CHST9: variants seen among roughly 807,000 people sequenced by gnomAD.
CHST9 encodes the protein carbohydrate sulfotransferase 9, also known as GalNAc-4-sulfotransferase 2.
CHST9 carries 41 observed loss-of-function variants against 44.4 expected under a neutral mutation model. The ratio of observed to expected loss-of-function variants is 0.92; its 90% CI spans 0.72 to 1.20. The LOEUF (loss-of-function observed/expected upper bound fraction) is 1.20, where lower values mean the gene tolerates loss of function less well. CHST9 is among the 50% of genes most tolerant of loss of function. The probability of loss-of-function intolerance (pLI) is 0.00; values close to 1 mark genes in which losing one functional copy is unlikely to be tolerated. For missense variants in CHST9, 504 were observed against 516.5 expected, an observed-to-expected ratio of 0.98 and a Z score of 0.23; for synonymous variants, 171 against 178.4, an observed-to-expected ratio of 0.96 and a Z score of 0.33.
chr18:27,028,446 G>T (rs1387597130), intron 3 of CHST9, among the ~76,000 whole-genome samples: 1 of 152,180 alleles, frequency 6.6e-6, no homozygotes, highest in Admixed American at 6.5e-5. Flanking sequence ...GGGCTAGAGG[G>T]CATCCGGTAC....
At chr18:27,079,633 A>T (rs2057941393) in intron 2 of CHST9, among the ~76,000 whole-genome samples, 1 of 152,208 alleles carries the variant, frequency 6.6e-6, no homozygotes, top group South Asian at 2.1e-4. Context: ...ACATCATATT[A>T]GTTTTCTATT....
At chr18:27,052,517 C>G (rs1476368228) in intron 2 of CHST9, among the ~76,000 whole-genome samples, 2 of 152,082 alleles carry the variant, frequency 1.3e-5, no homozygotes, top group African/African-American at 4.8e-5. Context: ...GATCTTATCT[C>G]TCATTCTCTC....
At chr18:26,991,377 T>G (rs1421186777) in intron 4 of CHST9, among the ~76,000 whole-genome samples, 1 of 152,198 alleles carries the variant, frequency 6.6e-6, no homozygotes, top group Non-Finnish European at 1.5e-5. Context: ...ATGCCATCAA[T>G]GGACATGTGG....
At position 26,950,259 on chromosome 18, in the gene CHST9, T is replaced by C. The variant is rs777112251; in HGVS notation, c.203-5893A>G. On this transcript the variant is annotated intron_variant, in intron 4 of 5. Transcript: ENST00000618847. ...TGAAAAGTAGAGATTATTCCTCCTA[T>C]GTTTTTAAAGATTATGTGACCAGGG... 3.3e-5 allele frequency among the ~76,000 whole-genome samples: 5 copies of C among 152,216 alleles called. No individual in the cohort carries two copies. In the East Asian group the frequency reaches 7.7e-4, roughly 23 times the overall value.
intron 2 of CHST9, among the ~76,000 whole-genome samples, chr18:27,057,404 GAGT>G (rs1278413819): frequency 6.6e-6 from 1 of 152,152 alleles, no homozygotes; most frequent in Non-Finnish European, 1.5e-5. Flanking sequence ...AAAGAATGAG[GAGT>G]TTATTTTATA....
intron 2 of CHST9, among the ~76,000 whole-genome samples, chr18:27,134,894 T>C (rs1357540767): frequency 6.6e-6 from 1 of 152,122 alleles, no homozygotes; most frequent in Non-Finnish European, 1.5e-5. Context: ...AAAAAGTTTC[T>C]GAGTTCTGGG....
intron 1 of CHST9, among the ~76,000 whole-genome samples, chr18:27,159,414 G>T (rs1384267604): frequency 6.6e-6 from 1 of 152,112 alleles, no homozygotes; most frequent in African/African-American, 2.4e-5. Context: ...AGATCAGATG[G>T]TTGTAGATAT....
intron 2 of CHST9, among the ~76,000 whole-genome samples, chr18:27,091,090 C>A (rs1014118096): frequency 6.6e-6 from 1 of 152,100 alleles, no homozygotes; most frequent in African/African-American, 2.4e-5. Flanking sequence ...ATGGAATGTT[C>A]TTCCATTTGT....
intron 4 of CHST9, among the ~76,000 whole-genome samples, chr18:27,006,199 G>C (rs1208282128): frequency 3.3e-5 from 5 of 152,240 alleles, no homozygotes; most frequent in Non-Finnish European, 5.9e-5. Flanking sequence ...CTCAGTCTGT[G>C]CCCTAAGAGA....
chr18:27,111,932 C>T (rs1170413960), intron 2 of CHST9, among the ~76,000 whole-genome samples: 1 of 152,104 alleles, frequency 6.6e-6, no homozygotes, highest in Non-Finnish European at 1.5e-5. Flanking sequence ...CTTTCCAGCT[C>T]TCAGACCTTC....
intron 2 of CHST9, among the ~76,000 whole-genome samples, chr18:27,079,130 A>T (rs890262255): frequency 2.0e-5 from 3 of 152,190 alleles, no homozygotes; most frequent in Admixed American, 1.3e-4. Context: ...TGTTTATACG[A>T]TAAACCATAT....
intron 4 of CHST9, among the ~76,000 whole-genome samples, chr18:26,977,425 T>TA (rs34131355): frequency 0.012 from 1,654 of 134,624 alleles, 17 homozygotes; most frequent in African/African-American, 0.014. Flanking sequence ...AGGTCACTTG[T>TA]AAAAAAAAAA....
intron 5 of CHST9, among the ~76,000 whole-genome samples, chr18:26,926,372 C>T (rs2055767883): frequency 6.6e-6 from 1 of 151,826 alleles, no homozygotes; most frequent in Admixed American, 6.6e-5. Flanking sequence ...GGACTGAGGA[C>T]ATAACATAAT....
At chr18:27,049,822 G>T (rs72880599) in intron 2 of CHST9, among the ~76,000 whole-genome samples, 65 of 152,276 alleles carry the variant, frequency 4.3e-4, no homozygotes, top group Non-Finnish European at 8.7e-4. Context: ...TTCATCATAA[G>T]ATGGCTGAAG....
intron 2 of CHST9, among the ~76,000 whole-genome samples, chr18:27,070,691 C>CCT (rs5823535): frequency 0.81 from 123,796 of 151,994 alleles, 50,924 homozygotes; most frequent in African/African-American, 0.93. Context: ...ATGTCACCCC[C>CCT]GTTAGAGGTA....
At chr18:27,065,071 C>T (rs1468743370) in intron 2 of CHST9, among the ~76,000 whole-genome samples, 1 of 152,144 alleles carries the variant, frequency 6.6e-6, no homozygotes, top group Non-Finnish European at 1.5e-5. Context: ...AAAACTCTTC[C>T]ATAAACATCT....
intron 3 of CHST9, among the ~76,000 whole-genome samples, chr18:27,046,686 C>T (rs2057504577): frequency 6.6e-6 from 1 of 152,040 alleles, no homozygotes. Context: ...TAGTGGCAAA[C>T]AGTATGTTCC....
chr18:27,142,036 A>G (rs1409155361), intron 2 of CHST9, among the ~76,000 whole-genome samples: 1 of 152,248 alleles, frequency 6.6e-6, no homozygotes, highest in Non-Finnish European at 1.5e-5. Flanking sequence ...AGCAGGGATC[A>G]GTAAACTATT....
intron 2 of CHST9, among the ~76,000 whole-genome samples, chr18:27,057,681 T>C (rs1466694716): frequency 6.6e-6 from 1 of 152,234 alleles, no homozygotes; most frequent in Non-Finnish European, 1.5e-5. Flanking sequence ...TCGATACAGA[T>C]AGATCTGGGC....
Sources: allele counts gnomAD v4.1 joint callset (sites outside exome capture counted in the v4.1 genomes callset), GRCh38; gene constraint gnomAD v4.1.1; transcripts MANE v1.5; gene names NCBI Gene and HGNC (gene_info 2026-07-23, HGNC 2026-07-21).